SSH2: variants seen among roughly 807,000 people sequenced by gnomAD.
The protein encoded by SSH2 is slingshot protein phosphatase 2.
A neutral mutation model predicts 135.2 loss-of-function variants in SSH2; 37 were observed. That is an observed-to-expected ratio of 0.27 (90% CI 0.21 to 0.36). The LOEUF (loss-of-function observed/expected upper bound fraction) is 0.36, where lower values mean the gene tolerates loss of function less well. Among genes scored for constraint, SSH2 ranks in the 10% least tolerant of loss-of-function variants. The pLI is 1.00. For synonymous variants in SSH2, 628 were observed against 646.2 expected, an observed-to-expected ratio of 0.97 and a Z score of 0.43; for missense variants, 1,408 against 1,765.3, an observed-to-expected ratio of 0.80 and a Z score of 3.63.
At chr17:29,670,258 G>C (rs1479292745) in intron 9 of SSH2, among the ~76,000 whole-genome samples, 4 of 152,156 alleles carry the variant, frequency 2.6e-5, no homozygotes, top group Admixed American at 2.6e-4. Flanking sequence ...GGTTTAGAAT[G>C]TGCTTTTTTG....
At chr17:29,855,939 A>G in intron 1 of SSH2, 1 of 271,798 alleles carries the variant, frequency 3.7e-6, no homozygotes, top group Middle Eastern at 1.2e-3. Context: ...ATGATTGGGA[A>G]ATAGAAAGGA....
chr17:29,739,758 C>T (rs1420815718), intron 3 of SSH2, among the ~76,000 whole-genome samples: 2 of 152,136 alleles, frequency 1.3e-5, no homozygotes, highest in African/African-American at 4.8e-5. Context: ...AAAAACCCAA[C>T]AAAAGGCCCT....
At chr17:29,648,872 G>A (rs2036481103) in intron 13 of SSH2, among the ~76,000 whole-genome samples, 1 of 152,106 alleles carries the variant, frequency 6.6e-6, no homozygotes, top group South Asian at 2.1e-4. Context: ...TGGGCGCAGC[G>A]GCTCATGCCT....
chr17:29,691,354 T>C (rs1057173596), intron 5 of SSH2, among the ~76,000 whole-genome samples: 1 of 152,212 alleles, frequency 6.6e-6, no homozygotes, highest in Non-Finnish European at 1.5e-5. Flanking sequence ...TGATCTTTGG[T>C]AACGTGCAAG....
intron 9 of SSH2, 120 bp from the exon 10 acceptor site, chr17:29,667,343 C>A: frequency 1.3e-6 from 1 of 786,476 alleles, no homozygotes; most frequent in South Asian, 1.8e-5. Context: ...TTTCCAAAAT[C>A]GGTTCTAGAG....
chr17:29,837,416 T>A (rs2042960758), intron 2 of SSH2, among the ~76,000 whole-genome samples: 1 of 152,152 alleles, frequency 6.6e-6, no homozygotes, highest in South Asian at 2.1e-4. Context: ...AATATCCAAT[T>A]TCCAGTGATA....
intron 1 of SSH2, chr17:29,863,888 A>T (rs2065807454): frequency 6.6e-6 from 1 of 152,206 alleles, no homozygotes; most frequent in Non-Finnish European, 1.5e-5. Flanking sequence ...TTTGGATAAA[A>T]TTTATCACCC....
In SSH2 at chr17:29,743,379, A is replaced by T. The variant is rs188017413; in HGVS notation, c.189-40317T>A. 9.9e-4 allele frequency among the ~76,000 whole-genome samples: 150 copies of T among 151,642 alleles called. 2 individuals are homozygous for T. In the Middle Eastern group the frequency reaches 0.01, roughly 10 times the overall value. ...ACTGACATTCAATATTTATTTGTTG[A>T]TTTTGATTCTAATTGAGGAAGAGGC... On this transcript the variant is annotated intron_variant, in intron 3 of 15. Coordinates refer to ENST00000540801, the MANE Select transcript of SSH2 (RefSeq NM_001282129.2).
chr17:29,794,157 G>T (rs1323355198), intron 2 of SSH2, among the ~76,000 whole-genome samples: 2 of 152,088 alleles, frequency 1.3e-5, no homozygotes, highest in Admixed American at 1.3e-4. Context: ...AGTAGTCCAT[G>T]AACAAATTTC....
At chr17:29,788,140 T>C (rs1404311146) in intron 3 of SSH2, among the ~76,000 whole-genome samples, 1 of 152,206 alleles carries the variant, frequency 6.6e-6, no homozygotes, top group Admixed American at 6.5e-5. Context: ...TAATTTTATG[T>C]GTCAACCATC....
Position 29,930,073 on chromosome 17 carries a change from G to T in SSH2, c.-73C>A. The T allele has an allele frequency of 1.5e-6, 2 of 1,367,618 alleles. No individual in the cohort carries two copies. Among genetic ancestry groups the T allele is most frequent in the Non-Finnish European group, 2.0e-6 (2 of 988,486 alleles). 84.7% of individuals were successfully genotyped at this position (1,367,618 alleles called of 1,614,324 possible). ...TGGGGGACGGGAGGGTGACGGAGCC[G>T]GGATGGGGAAAGGGGTGCGGGGTGG... is the stretch of plus-strand genomic sequence containing the variant. On this transcript the variant is annotated 5_prime_UTR_variant, in exon 1 of 16. Coordinates refer to ENST00000540801, the MANE Select transcript of SSH2 (RefSeq NM_001282129.2).
intron 2 of SSH2, among the ~76,000 whole-genome samples, chr17:29,843,259 G>T (rs996074290): frequency 2.4e-4 from 37 of 152,256 alleles, no homozygotes; most frequent in African/African-American, 8.2e-4. Flanking sequence ...AGCAGGCTGG[G>T]CGCGGTGGCT....
intron 8 of SSH2, among the ~76,000 whole-genome samples, chr17:29,675,503 A>G (rs2151054604): frequency 6.6e-6 from 1 of 152,268 alleles, no homozygotes; most frequent in South Asian, 2.1e-4. Context: ...CTAAAATAAG[A>G]GAATAAGAGG....
chr17:29,632,246 G>A lies in SSH2; in HGVS notation c.2948C>T (p.Ala983Val), dbSNP rs117633958. The change falls in exon 16 of 16, where the codon GCT becomes GTT. Residue 983 changes from alanine to valine, a missense_variant. By Grantham distance (64) the Ala-to-Val change is moderately conservative (BLOSUM62 0). Around this residue, in one of 3 missense-constraint regions of SSH2, gnomAD observed 1,080 missense variants for 1,144.5 expected, o/e 0.94. Coordinates refer to ENST00000540801, the MANE Select transcript of SSH2 (RefSeq NM_001282129.2). ...GTGGTCAAACTCCAGCACCCTGGGA[G>A]CTGGAACAGTGGCATTCTGCTCAGA... ...SHSEQNATVP[A>V]PRVLEFDHLP... 1,530 of 1,614,050 alleles carry A rather than the reference G, an allele frequency of 9.5e-4. 19 individuals are homozygous for A. The East Asian group carries it at 0.029, about 31-fold the overall frequency.
chr17:29,842,806 T>A (rs1049159311), intron 2 of SSH2, among the ~76,000 whole-genome samples: 1 of 152,240 alleles, frequency 6.6e-6, no homozygotes, highest in African/African-American at 2.4e-5. Flanking sequence ...ACACTTTTTT[T>A]ATCTTTTTTC....
intron 1 of SSH2, among the ~76,000 whole-genome samples, chr17:29,900,232 T>G (rs1315790951): frequency 1.3e-5 from 2 of 152,224 alleles, no homozygotes; most frequent in African/African-American, 4.8e-5. Context: ...GCAAGGAATT[T>G]ATGTCTAAAA....
chr17:29,867,283 C>A (rs373614723), intron 1 of SSH2, among the ~76,000 whole-genome samples: 14 of 152,150 alleles, frequency 9.2e-5, no homozygotes, highest in Admixed American at 1.3e-4. Context: ...AATCACCTTA[C>A]ATATTAGTTT....
chr17:29,698,290 A>G (rs550897246), intron 4 of SSH2, among the ~76,000 whole-genome samples: 1 of 152,284 alleles, frequency 6.6e-6, no homozygotes, highest in Admixed American at 6.5e-5. Flanking sequence ...CAACTCTGTG[A>G]CTATTCTAAA....
At chr17:29,761,441 T>C (rs2729450) in intron 3 of SSH2, 531,307 of 995,470 alleles carry the variant, frequency 0.53, 145,398 homozygotes, top group African/African-American at 0.81. Context: ...CTGACGGGCG[T>C]CGCCAGCAGT....
Sources: gnomAD v4.1 joint callset for allele counts (sites outside exome capture counted in the v4.1 genomes callset) on GRCh38, gnomAD v4.1.1 for gene constraint, gnomAD v4.1.1 regional missense constraint, MANE v1.5 for transcripts, NCBI Gene and HGNC (gene_info 2026-07-23, HGNC 2026-07-21) for gene names.